COL4A2: variants seen among roughly 807,000 people sequenced by gnomAD.
COL4A2 encodes the protein collagen alpha-2(IV) chain.
A neutral mutation model predicts 200.2 loss-of-function variants in COL4A2; 99 were observed. The ratio of observed to expected loss-of-function variants is 0.49; its 90% CI spans 0.42 to 0.58. COL4A2 has a LOEUF of 0.58. Ranked by LOEUF, COL4A2 falls within the 20% of genes least tolerant of loss-of-function variation. The pLI, the probability that COL4A2 is intolerant of heterozygous loss-of-function variation, is 0.00. For missense variants in COL4A2, 1,950 were observed against 2,314.1 expected, an observed-to-expected ratio of 0.84 and a Z score of 3.23; for synonymous variants, 897 against 900.6, an observed-to-expected ratio of 1.00 and a Z score of 0.07.
intron 40 of COL4A2, among the ~76,000 whole-genome samples, chr13:110,500,875 T>C (rs1883614035): frequency 6.6e-6 from 1 of 152,218 alleles, no homozygotes; most frequent in Non-Finnish European, 1.5e-5. Flanking sequence ...ACAGCCTTCT[T>C]GCACTTACCA....
At chr13:110,335,774 C>T (rs894241542) in intron 3 of COL4A2, among the ~76,000 whole-genome samples, 39 of 152,168 alleles carry the variant, frequency 2.6e-4, no homozygotes, top group Admixed American at 2.3e-3. Flanking sequence ...ATTCTGGGAT[C>T]CAAAATTACT....
intron 3 of COL4A2, among the ~76,000 whole-genome samples, chr13:110,329,149 T>C (rs1875782803): frequency 6.6e-6 from 1 of 152,234 alleles, no homozygotes; most frequent in East Asian, 1.9e-4. Flanking sequence ...TGGAGAAGTT[T>C]AGACCTTTAA....
At chr13:110,324,151 T>C (rs1413842797) in intron 3 of COL4A2, among the ~76,000 whole-genome samples, 1 of 152,068 alleles carries the variant, frequency 6.6e-6, no homozygotes, top group Non-Finnish European at 1.5e-5. Context: ...AAGCCAGGCA[T>C]CTGGCCAGTG....
At chr13:110,500,863 T>C (rs1883613580) in intron 40 of COL4A2, among the ~76,000 whole-genome samples, 1 of 152,214 alleles carries the variant, frequency 6.6e-6, no homozygotes, top group Admixed American at 6.5e-5. Context: ...ATAAGGGACT[T>C]CACAGCCTTC....
intron 4 of COL4A2, among the ~76,000 whole-genome samples, chr13:110,382,678 G>A (rs1245021189): frequency 6.6e-6 from 1 of 152,080 alleles, no homozygotes; most frequent in Non-Finnish European, 1.5e-5. Flanking sequence ...TTTGAAAGAG[G>A]AATTTGAATA....
At chr13:110,372,137 T>C (rs1162158844) in intron 4 of COL4A2, among the ~76,000 whole-genome samples, 1 of 152,164 alleles carries the variant, frequency 6.6e-6, no homozygotes, top group African/African-American at 2.4e-5. Context: ...GGTATTTTGA[T>C]GAATGATTGA....
chr13:110,439,927 G>C, intron 16 of COL4A2, 94 bp downstream of exon 16: 1 of 1,520,550 alleles, frequency 6.6e-7, no homozygotes. Context: ...AAAGAAAATT[G>C]TCTCCAGAAA....
At chr13:110,424,464 T>TTTTTTTTTTTTTTTTTTTGAGA (rs1555328078) in intron 4 of COL4A2, among the ~76,000 whole-genome samples, 1 of 146,778 alleles carries the variant, frequency 6.8e-6, no homozygotes, top group African/African-American at 2.5e-5. Flanking sequence ...GTTAATTCTT[T>TTTTTTTTTTTTTTTTTTTGAGA]CATCCCAACC....
intron 3 of COL4A2, among the ~76,000 whole-genome samples, chr13:110,338,432 TG>T (rs1226047948): frequency 2.4e-4 from 11 of 45,988 alleles, no homozygotes; most frequent in African/African-American, 6.8e-4. Flanking sequence ...AAATGTTGTG[TG>T]TGGGGGGGGG....
chr13:110,340,276 C>A (rs4773157), intron 3 of COL4A2, among the ~76,000 whole-genome samples: 30,632 of 152,116 alleles, frequency 0.2, 3,618 homozygotes, highest in Non-Finnish European at 0.27. Context: ...GCCACCACAC[C>A]CGGCTAATTT....
At chr13:110,360,916 C>T (rs945766149) in intron 4 of COL4A2, among the ~76,000 whole-genome samples, 2 of 152,320 alleles carry the variant, frequency 1.3e-5, no homozygotes, top group African/African-American at 4.8e-5. Context: ...TCACCTGGGC[C>T]GAGGCCCGTG....
intron 4 of COL4A2, among the ~76,000 whole-genome samples, chr13:110,384,783 G>A (rs72655784): frequency 0.043 from 6,609 of 152,260 alleles, 198 homozygotes; most frequent in Non-Finnish European, 0.066. Flanking sequence ...AGTGGACTGC[G>A]AGCTTCTGGA....
rs372382465 is a variant in COL4A2, at chr13:110,503,997, G to T, written c.4285+4G>T. On this transcript the variant is annotated splice_donor_region_variant and intron_variant, in intron 44 of 47. Transcript: ENST00000360467. The stretch of plus-strand genomic sequence containing the variant: ...CAGGGCCCCCCCGGAGAACCAGGTA[G>T]AGTGCTGAGCTGGGGCCTGGAGCCC... The T allele has an allele frequency of 6.4e-7, 1 of 1,557,542 alleles. No homozygotes were observed. Among genetic ancestry groups the T allele is most frequent in the Non-Finnish European group, 8.6e-7 (1 of 1,156,250 alleles).
At chr13:110,430,116 A>G in intron 8 of COL4A2, 160 bp downstream of exon 8, 1 of 775,836 alleles carries the variant, frequency 1.3e-6, no homozygotes, top group Non-Finnish European at 1.9e-6. Context: ...TCCGATCAGG[A>G]TGTTTTCAAT....
intron 4 of COL4A2, among the ~76,000 whole-genome samples, chr13:110,417,290 G>GT (rs1880079417): frequency 6.6e-6 from 1 of 152,240 alleles, no homozygotes. Flanking sequence ...TCGGCTAAGT[G>GT]TTTTTTTCCA....
chr13:110,445,906 G>T (rs371537554), intron 17 of COL4A2, 24 bp downstream of exon 17: 22 of 1,613,794 alleles, frequency 1.4e-5, no homozygotes, highest in Non-Finnish European at 1.8e-5. Flanking sequence ...TCATGTCTTT[G>T]CCACTTATGG....
chr13:110,496,682 G>C (rs1474150649), intron 40 of COL4A2, among the ~76,000 whole-genome samples: 1 of 131,572 alleles, frequency 7.6e-6, no homozygotes, highest in Non-Finnish European at 1.6e-5. Context: ...AGTCAGAGTT[G>C]AGGATCTAGG....
In COL4A2 at chr13:110,430,458, G is replaced by A. The variant is rs367972578; in HGVS notation, c.585+22G>A. 228 of 1,614,100 alleles carry A rather than the reference G, an allele frequency of 1.4e-4. No individual in the cohort carries two copies. In the African/African-American group the frequency reaches 2.7e-3, roughly 19 times the overall value. Reference sequence around the variant, plus strand: ...CCAGGTAAGTTTATTTTTATTGGACGATATTCCAAACAAAAGTTTAAGAGC... The same window carrying A: ...CCAGGTAAGTTTATTTTTATTGGACAATATTCCAAACAAAAGTTTAAGAGC... On this transcript the variant is annotated intron_variant, in intron 9 of 47. Transcript: ENST00000360467.
At chr13:110,491,556 G>A (rs1335254548) in intron 37 of COL4A2, among the ~76,000 whole-genome samples, 1 of 152,214 alleles carries the variant, frequency 6.6e-6, no homozygotes, top group East Asian at 1.9e-4. Context: ...GAGAAGCATG[G>A]GGGTGAATGA....
Sources: gnomAD v4.1 joint callset for allele counts (sites outside exome capture counted in the v4.1 genomes callset) on GRCh38, gnomAD v4.1.1 for gene constraint, MANE v1.5 for transcripts, NCBI Gene and HGNC (gene_info 2026-07-23, HGNC 2026-07-21) for gene names.